NUP214: variants seen among roughly 807,000 people sequenced by gnomAD.
NUP214 encodes the protein nuclear pore complex protein Nup214.
In NUP214, 79 loss-of-function variants were observed where a neutral mutation model predicts 196.2. The ratio of observed to expected loss-of-function variants is 0.40; its 90% CI spans 0.34 to 0.49. NUP214 has a LOEUF of 0.49. NUP214 is among the 20% of genes least tolerant of loss of function. NUP214 has a pLI of 0.58. For missense variants in NUP214, 2,468 were observed against 2,539.0 expected, an observed-to-expected ratio of 0.97 and a Z score of 0.60; for synonymous variants, 1,020 against 990.5, an observed-to-expected ratio of 1.03 and a Z score of -0.56.
Position 131,197,412 on chromosome 9 carries a change from C to T in NUP214, c.3918C>T (p.Thr1306=). 6.2e-7 allele frequency: 1 copy of T among 1,614,188 alleles called. No individual in the cohort carries two copies. The highest frequency in any genetic ancestry group is 8.5e-7 in the Non-Finnish European group (1 of 1,180,028). ...CTTCTGGAACTGCTCTTTCCACCAC[C>T]TCTAGTAAGCTGGAAACCCCACCGT... ...VAPSGTALST[T]SSKLETPPSK... is the part of the protein sequence containing the mutation. Residue 1306 remains threonine (T), a synonymous_variant, in exon 29 of 36, where the codon ACC becomes ACT. Coordinates refer to ENST00000359428, the MANE Select transcript of NUP214 (RefSeq NM_005085.4).
At chr9:131,159,337 A>T in intron 17 of NUP214, 46 bp from the exon 18 acceptor site, 2 of 1,400,278 alleles carry the variant, frequency 1.4e-6, no homozygotes, top group Non-Finnish European at 2.0e-6. Flanking sequence ...CTTCCCCCAA[A>T]CTATCAGAAA....
chr9:131,205,295 AAAAG>A (rs1287240167), intron 30 of NUP214, among the ~76,000 whole-genome samples: 5 of 152,242 alleles, frequency 3.3e-5, no homozygotes, highest in Non-Finnish European at 7.3e-5. Flanking sequence ...CTATAGTTCA[AAAAG>A]AAAGACAGCT....
intron 31 of NUP214, among the ~76,000 whole-genome samples, chr9:131,219,673 T>C (rs1368280167): frequency 6.6e-6 from 1 of 152,230 alleles, no homozygotes; most frequent in African/African-American, 2.4e-5. Flanking sequence ...TTGCCTCCTT[T>C]AGTATTGTCC....
Position 131,151,937 on chromosome 9 carries a change from G to A in NUP214, c.2436+43G>A, listed in dbSNP as rs1012376832. On this transcript the variant is annotated intron_variant, in intron 17 of 35. Transcript: ENST00000359428. Reference sequence around the variant, plus strand: ...ATCTGTTTAAAAGATTTAAAAACAAGCTCATGTAACAATTGCTACCTCTTT... The same window carrying A: ...ATCTGTTTAAAAGATTTAAAAACAAACTCATGTAACAATTGCTACCTCTTT... 5 of 1,491,890 alleles carry A rather than the reference G, an allele frequency of 3.4e-6. No individual in the cohort carries two copies. The African/African-American group carries it at 5.7e-5, about 17-fold the overall frequency. 92.4% of individuals were successfully genotyped at this position (1,491,890 alleles called of 1,614,324 possible).
At chr9:131,231,270 A>G (rs1487454271) in intron 34 of NUP214, among the ~76,000 whole-genome samples, 2 of 152,068 alleles carry the variant, frequency 1.3e-5, no homozygotes, top group African/African-American at 2.4e-5. Flanking sequence ...TCGGCTCACT[A>G]TAAACTCCGC....
At chr9:131,225,934 T>C (rs1351352608) in intron 32 of NUP214, among the ~76,000 whole-genome samples, 1 of 152,224 alleles carries the variant, frequency 6.6e-6, no homozygotes, top group Non-Finnish European at 1.5e-5. Flanking sequence ...GGACTGAAGA[T>C]GGCCTTGCTG....
At chr9:131,218,589 G>T (rs536223255) in intron 31 of NUP214, among the ~76,000 whole-genome samples, 1 of 134,658 alleles carries the variant, frequency 7.4e-6, no homozygotes, top group Non-Finnish European at 1.6e-5. Flanking sequence ...CGCACTCCCC[G>T]CCCCATTTTG....
chr9:131,187,154 T>G (rs1212658894), intron 24 of NUP214, 135 bp from the exon 25 acceptor site: 3 of 668,766 alleles, frequency 4.5e-6, no homozygotes, highest in Non-Finnish European at 7.8e-6. Flanking sequence ...GTCAAATCAG[T>G]TGTATTGGGG....
At position 131,146,268 on chromosome 9, in the gene NUP214, G is replaced by T; in HGVS notation, c.1909G>T (p.Val637Leu). 3 of 1,614,084 alleles carry T rather than the reference G, an allele frequency of 1.9e-6. No homozygotes were observed. Among genetic ancestry groups the T allele is most frequent in the Non-Finnish European group, 2.5e-6 (3 of 1,180,006 alleles). ...PTPLSAPPSS[V>L]PLKSSVLPSP... ...ACCTCTCTCAGCACCACCTAGTTCC[G>T]TGCCATTGAAGTCCTCAGTCTTGCC... The change falls in exon 13 of 36, where the codon GTG becomes TTG. Residue 637 changes from valine to leucine, a missense_variant. This residue lies in a region of NUP214 where 1,801 missense variants were observed against 1,779.4 expected (regional missense o/e 1.01). Transcript: ENST00000359428. This position sits in a 1 kb window ranked among gnomAD's most constrained non-coding sequence, Gnocchi z 4.6.
At position 131,179,395 on chromosome 9, in the gene NUP214, C is replaced by T. The variant is rs149715806; in HGVS notation, c.3419+985C>T. Reference sequence around the variant, plus strand: ...GGCAGGTTCGCAGAACATGCCTGTGCCCTGCTTTGCCCTGCATATTTTGTG... The same window carrying T: ...GGCAGGTTCGCAGAACATGCCTGTGTCCTGCTTTGCCCTGCATATTTTGTG... On this transcript the variant is annotated intron_variant, in intron 24 of 35. Transcript: ENST00000359428. Among the ~76,000 whole-genome samples the T allele has an allele frequency of 4.4e-3, 674 of 152,302 alleles. 5 individuals carry two copies. Among genetic ancestry groups the T allele is most frequent in the African/African-American group, 0.016 (646 of 41,566 alleles).
chr9:131,129,779 T>C (rs1831474155), intron 4 of NUP214, among the ~76,000 whole-genome samples: 1 of 151,886 alleles, frequency 6.6e-6, no homozygotes, highest in Non-Finnish European at 1.5e-5. Flanking sequence ...AATTTTTGTA[T>C]TTTTTGTAGA....
intron 26 of NUP214, 161 bp from the exon 27 acceptor site, chr9:131,192,047 G>C (rs1405706932): frequency 2.1e-6 from 1 of 481,220 alleles, no homozygotes; most frequent in African/African-American, 2.0e-5. Context: ...GTGAGGCAAC[G>C]TGCTCACTCC....
intron 10 of NUP214, 44 bp downstream of exon 10, chr9:131,139,451 A>G (rs1406917556): frequency 1.3e-6 from 2 of 1,590,158 alleles, no homozygotes; most frequent in Non-Finnish European, 1.7e-6. Flanking sequence ...TCTTCTTTCT[A>G]GTTAGGGTTA....
At position 131,232,723 on chromosome 9, in the gene NUP214, A is replaced by G; in HGVS notation, c.6239+415A>G. 3.9e-6 allele frequency: 1 copy of G among 254,356 alleles called. No homozygotes were observed. The highest frequency in any genetic ancestry group is 7.7e-6 in the Non-Finnish European group (1 of 129,206). 15.8% of individuals were successfully genotyped at this position (254,356 alleles called of 1,614,324 possible). On this transcript the variant is annotated intron_variant, in intron 35 of 35. Coordinates refer to ENST00000359428, the MANE Select transcript of NUP214 (RefSeq NM_005085.4). This position sits in a 1 kb window ranked among gnomAD's most constrained non-coding sequence, Gnocchi z 5.1. ...GTAAAATTTCATGGCGTTAAAATTC[A>G]GTCTTAGCCAGGTGGGTGGTTCACG...
rs539643762 is a variant in NUP214 at position 131,187,829 on chromosome 9, A to G, written c.3495+465A>G. Among the ~76,000 whole-genome samples, 73 of 152,358 alleles carry G rather than the reference A, an allele frequency of 4.8e-4. 1 individual carries two copies. The highest frequency in any genetic ancestry group is 1.3e-3 in the African/African-American group (56 of 41,582). ...CCCCACAATTTATGCCAGTCTTGACATGGCTGTTAATCAGGGTAGGTCAGT... is the reference window on the plus strand; with the variant it reads ...CCCCACAATTTATGCCAGTCTTGACGTGGCTGTTAATCAGGGTAGGTCAGT... On this transcript the variant is annotated intron_variant, in intron 25 of 35. Transcript: ENST00000359428.
Position 131,233,562 on chromosome 9 carries a change from G to C in NUP214, c.*75G>C. The C allele has an allele frequency of 6.3e-7, 1 of 1,575,762 alleles. No individual in the cohort carries two copies. The highest frequency in any genetic ancestry group is 8.7e-7 in the Non-Finnish European group (1 of 1,149,168). On this transcript the variant is annotated 3_prime_UTR_variant, in exon 36 of 36. Coordinates refer to ENST00000359428, the MANE Select transcript of NUP214 (RefSeq NM_005085.4). The stretch of plus-strand genomic sequence containing the variant: ...TTCTTCCCCGAGAAATGCTGGAGCA[G>C]GCTGTTCAGACCGACGTTGCCATCA...
chr9:131,161,509 G>A (rs1452021014), intron 18 of NUP214, among the ~76,000 whole-genome samples: 6 of 151,980 alleles, frequency 3.9e-5, no homozygotes, highest in East Asian at 1.9e-4. Context: ...CACCCACCTC[G>A]CCCTCCCAGA....
At chr9:131,135,341 A>T (rs528217599) in intron 8 of NUP214, 11 of 236,996 alleles carry the variant, frequency 4.6e-5, no homozygotes, top group African/African-American at 2.5e-4. Context: ...AAGTACTGAG[A>T]TTACAGGTGT....
At chr9:131,195,197 T>A in intron 27 of NUP214, 36 bp from the exon 28 acceptor site, 1 of 1,506,082 alleles carries the variant, frequency 6.6e-7, no homozygotes. Flanking sequence ...GTGCCTTGGT[T>A]TGTTCCTTTT....
Sources: gnomAD v4.1 joint callset for allele counts (sites outside exome capture counted in the v4.1 genomes callset) on GRCh38, gnomAD v4.1.1 for gene constraint, gnomAD v4.1.1 regional missense constraint, Gnocchi (gnomAD v3.1) non-coding constraint, MANE v1.5 for transcripts, NCBI Gene and HGNC (gene_info 2026-07-23, HGNC 2026-07-21) for gene names.